MECOM: variants seen among roughly 807,000 people sequenced by gnomAD.
MECOM encodes MDS1 and EVI1 complex locus.
In MECOM, 13 loss-of-function variants were observed where a neutral mutation model predicts 116.3. That is an observed-to-expected ratio of 0.11 (90% CI 0.07 to 0.18). The LOEUF (loss-of-function observed/expected upper bound fraction) is 0.18. Ranked by LOEUF, MECOM falls within the 10% of genes least tolerant of loss-of-function variation. The probability of loss-of-function intolerance (pLI) is 1.00; values close to 1 mark genes in which losing one functional copy is unlikely to be tolerated. For synonymous variants in MECOM, 528 were observed against 535.2 expected, an observed-to-expected ratio of 0.99 and a Z score of 0.19; for missense variants, 1,299 against 1,509.0, an observed-to-expected ratio of 0.86 and a Z score of 2.31.
chr3:169,252,366 AAAG>A (rs1301013836), intron 2 of MECOM, among the ~76,000 whole-genome samples: 1 of 151,990 alleles, frequency 6.6e-6, no homozygotes, highest in Non-Finnish European at 1.5e-5. Context: ...CAGCATCCAA[AAAG>A]AAGAACAGAA....
intron 1 of MECOM, among the ~76,000 whole-genome samples, chr3:169,402,455 T>C (rs1348437244): frequency 1.3e-5 from 2 of 151,988 alleles, no homozygotes; most frequent in African/African-American, 4.8e-5. Flanking sequence ...ATGGGGATGG[T>C]AGGAAAAAAA....
chr3:169,592,013 C>A (rs887703044), intron 1 of MECOM, among the ~76,000 whole-genome samples: 1 of 152,174 alleles, frequency 6.6e-6, no homozygotes, highest in African/African-American at 2.4e-5. Context: ...TGGCTGTTTA[C>A]ACTTTCAGAA....
intron 3 of MECOM, among the ~76,000 whole-genome samples, chr3:169,139,271 A>G (rs908084739): frequency 2.3e-4 from 35 of 152,176 alleles, no homozygotes; most frequent in African/African-American, 7.9e-4. Flanking sequence ...CTTACTAAAT[A>G]CCAGCTGTCA....
intron 2 of MECOM, among the ~76,000 whole-genome samples, chr3:169,183,946 G>A (rs1446125698): frequency 2.6e-5 from 4 of 150,966 alleles, no homozygotes; most frequent in African/African-American, 9.7e-5. Context: ...CTCACTGCAA[G>A]CTCCACCTCC....
At chr3:169,271,734 G>A (rs1289271382) in intron 2 of MECOM, among the ~76,000 whole-genome samples, 1 of 151,934 alleles carries the variant, frequency 6.6e-6, no homozygotes, top group East Asian at 1.9e-4. Flanking sequence ...TTGTGCACAT[G>A]TACCCTAGAA....
At chr3:169,580,950 A>C (rs1356455431) in intron 1 of MECOM, among the ~76,000 whole-genome samples, 2 of 152,326 alleles carry the variant, frequency 1.3e-5, no homozygotes, top group Admixed American at 1.3e-4. Flanking sequence ...GTAACCAGCC[A>C]AATATTGTGG....
At chr3:169,409,953 G>A (rs143410443) in intron 1 of MECOM, among the ~76,000 whole-genome samples, 1 of 152,272 alleles carries the variant, frequency 6.6e-6, no homozygotes, top group African/African-American at 2.4e-5. Context: ...TGTGGATATA[G>A]ACAAATTCAG....
chr3:169,627,349 T>C (rs1413342587), intron 1 of MECOM, among the ~76,000 whole-genome samples: 1 of 152,222 alleles, frequency 6.6e-6, no homozygotes, highest in Non-Finnish European at 1.5e-5. Flanking sequence ...GCTATTATAC[T>C]TCTCGCTATT....
intron 1 of MECOM, among the ~76,000 whole-genome samples, chr3:169,403,555 G>C (rs951198726): frequency 1.3e-5 from 2 of 152,076 alleles, no homozygotes; most frequent in African/African-American, 4.8e-5. Context: ...TTCTGTTTTG[G>C]ATTTTCATTT....
rs201649150 is a variant in MECOM at position 169,523,134 on chromosome 3, GA to G, written c.37+140201del. Among the ~76,000 whole-genome samples, 1,004 of 152,236 alleles carry G rather than the reference GA, an allele frequency of 6.6e-3. 6 individuals carry two copies. Among genetic ancestry groups the G allele is most frequent in the African/African-American group, 0.023 (970 of 41,544 alleles). Reference sequence around the variant, plus strand: ...AAATGAACAAACAAAATGTGATGATGAATATATTAAGTAGAAATGCATCCAA... The same window carrying G: ...AAATGAACAAACAAAATGTGATGATGATATATTAAGTAGAAATGCATCCAA... On this transcript the variant is annotated intron_variant, in intron 1 of 16. Transcript: ENST00000651503.
intron 1 of MECOM, among the ~76,000 whole-genome samples, chr3:169,543,930 G>A (rs1439751855): frequency 6.6e-6 from 1 of 152,104 alleles, no homozygotes. Context: ...CTGTGACCCA[G>A]GCTGGAATGC....
At chr3:169,461,268 G>A (rs1038916596) in intron 1 of MECOM, among the ~76,000 whole-genome samples, 1 of 152,082 alleles carries the variant, frequency 6.6e-6, no homozygotes, top group African/African-American at 2.4e-5. Context: ...AATGATTGAA[G>A]CTGTGGTCTT....
intron 2 of MECOM, among the ~76,000 whole-genome samples, chr3:169,189,520 C>T (rs1747232953): frequency 6.6e-6 from 1 of 151,972 alleles, no homozygotes; most frequent in African/African-American, 2.4e-5. Context: ...CCAACAAAGA[C>T]AAATATTATG....
At chr3:169,194,274 T>C (rs1330483831) in intron 2 of MECOM, among the ~76,000 whole-genome samples, 2 of 151,770 alleles carry the variant, frequency 1.3e-5, no homozygotes, top group Non-Finnish European at 2.9e-5. Context: ...TGAAAACACA[T>C]GGACACAGGA....
At chr3:169,096,820 A>C (rs1479600784) in intron 12 of MECOM, among the ~76,000 whole-genome samples, 3 of 152,178 alleles carry the variant, frequency 2.0e-5, no homozygotes, top group African/African-American at 7.2e-5. Flanking sequence ...GCATAGTATC[A>C]CTAAACCAAC....
intron 9 of MECOM, 112 bp downstream of exon 9, chr3:169,112,675 A>G: frequency 1.2e-6 from 1 of 813,302 alleles, no homozygotes; most frequent in South Asian, 1.7e-5. Context: ...CTTCCACACC[A>G]GCGTCATAGG....
intron 2 of MECOM, among the ~76,000 whole-genome samples, chr3:169,289,532 A>G (rs1208489960): frequency 6.6e-6 from 1 of 152,214 alleles, no homozygotes; most frequent in Non-Finnish European, 1.5e-5. Flanking sequence ...GCACATTAAC[A>G]TGCTTTCAAA....
chr3:169,663,306 A>G, intron 1 of MECOM, 30 bp downstream of exon 1: 1 of 1,598,470 alleles, frequency 6.3e-7, no homozygotes, highest in Non-Finnish European at 8.5e-7. Context: ...GGAGGGGGAA[A>G]AGCCAATAGA....
chr3:169,477,139 A>ATATGTATATG (rs1750606466), intron 1 of MECOM: 1 of 70,128 alleles, frequency 1.4e-5, no homozygotes, highest in African/African-American at 5.5e-5. Flanking sequence ...ATATATATAT[A>ATATGTATATG]TATATATATA....
Sources: gnomAD v4.1 joint callset for allele counts (sites outside exome capture counted in the v4.1 genomes callset) on GRCh38, gnomAD v4.1.1 for gene constraint, MANE v1.5 for transcripts, NCBI Gene and HGNC (gene_info 2026-07-23, HGNC 2026-07-21) for gene names.